The following MDGA2 variants were observed in gnomAD, a reference collection of about 807,000 sequenced individuals.
The protein encoded by MDGA2 is MAM domain-containing glycosylphosphatidylinositol anchor protein 2.
A neutral mutation model predicts 117.8 loss-of-function variants in MDGA2; 40 were observed. The observed-to-expected ratio is 0.34, with a 90% CI of 0.26 to 0.44. The LOEUF is 0.44. Ranked by LOEUF, MDGA2 falls within the 20% of genes least tolerant of loss-of-function variation. The pLI is 1.00. For synonymous variants in MDGA2, 452 were observed against 439.0 expected, an observed-to-expected ratio of 1.03 and a Z score of -0.37; for missense variants, 1,123 against 1,250.6, an observed-to-expected ratio of 0.90 and a Z score of 1.54.
chr14:47,563,131 T>A (rs752821505), intron 1 of MDGA2, among the ~76,000 whole-genome samples: 4 of 152,140 alleles, frequency 2.6e-5, no homozygotes, highest in Non-Finnish European at 4.4e-5. Context: ...TAAAAAAAAA[T>A]TTCTGAGGAT....
At chr14:47,362,041 A>G (rs1025024118) in intron 1 of MDGA2, among the ~76,000 whole-genome samples, 2 of 152,158 alleles carry the variant, frequency 1.3e-5, no homozygotes, top group African/African-American at 4.8e-5. Flanking sequence ...CCAATGAGAC[A>G]GCATACATCT....
intron 1 of MDGA2, among the ~76,000 whole-genome samples, chr14:47,516,132 G>C (rs1017498517): frequency 6.6e-6 from 1 of 152,130 alleles, no homozygotes; most frequent in African/African-American, 2.4e-5. Context: ...GACCTGACTT[G>C]CAGGTGATGC....
chr14:47,605,336 G>A (rs1896723287), intron 1 of MDGA2, among the ~76,000 whole-genome samples: 2 of 152,162 alleles, frequency 1.3e-5, no homozygotes, highest in South Asian at 2.1e-4. Flanking sequence ...GTTTGTATAT[G>A]TGTGCATATG....
At position 46,852,834 on chromosome 14, in the gene MDGA2, G is replaced by T. The variant is rs536402769; in HGVS notation, c.2883+2190C>A. 3.9e-5 allele frequency among the ~76,000 whole-genome samples: 6 copies of T among 151,954 alleles called. No individual in the cohort carries two copies. In the South Asian group the frequency reaches 1.2e-3, roughly 32 times the overall value. ...ACACCTAAAATAATCAAACTCTTCT[G>T]AAGTAACTCAACTATCTTCCCTGAA... On this transcript the variant is annotated intron_variant, in intron 15 of 16. Transcript: ENST00000399232.
intron 3 of MDGA2, among the ~76,000 whole-genome samples, chr14:47,168,218 A>G (rs901854255): frequency 9.9e-5 from 15 of 151,480 alleles, no homozygotes; most frequent in African/African-American, 3.6e-4. Flanking sequence ...AAAAGAGCCT[A>G]AAAGCAACCA....
At chr14:47,569,785 C>T (rs901122672) in intron 1 of MDGA2, among the ~76,000 whole-genome samples, 1 of 152,110 alleles carries the variant, frequency 6.6e-6, no homozygotes, top group Non-Finnish European at 1.5e-5. Flanking sequence ...ATTTCAGGTA[C>T]AGATTATTCA....
chr14:47,323,149 GATATATATATATATATATAT>G (rs58765297), intron 1 of MDGA2, among the ~76,000 whole-genome samples: 34 of 107,698 alleles, frequency 3.2e-4, no homozygotes, highest in South Asian at 1.3e-3. Context: ...AAGAGTCATG[GATATATATATATATATATAT>G]ATATATATAT....
intron 1 of MDGA2, among the ~76,000 whole-genome samples, chr14:47,619,149 A>C: frequency 6.8e-6 from 1 of 146,628 alleles, no homozygotes; most frequent in East Asian, 2.1e-4. Flanking sequence ...ACACACACAC[A>C]CAGATACATT....
intron 1 of MDGA2, among the ~76,000 whole-genome samples, chr14:47,480,713 A>AT (rs896493450): frequency 1.3e-5 from 2 of 151,980 alleles, no homozygotes; most frequent in African/African-American, 2.4e-5. Context: ...TGGTCCTTAA[A>AT]TACCTCTAGT....
chr14:47,308,487 CCTCT>C (rs1052181135), intron 1 of MDGA2, among the ~76,000 whole-genome samples: 1 of 145,374 alleles, frequency 6.9e-6, no homozygotes, highest in African/African-American at 2.5e-5. Flanking sequence ...TTCTTTTTTC[CCTCT>C]CTTTCTGTTA....
intron 8 of MDGA2, among the ~76,000 whole-genome samples, chr14:46,999,461 A>C (rs1052241952): frequency 7.2e-5 from 11 of 152,050 alleles, no homozygotes; most frequent in African/African-American, 2.4e-4. Context: ...TTCTAAATGA[A>C]GTGCAATATC....
chr14:47,460,213 CT>C (rs1354891472), intron 1 of MDGA2, among the ~76,000 whole-genome samples: 1 of 152,008 alleles, frequency 6.6e-6, no homozygotes, highest in African/African-American at 2.4e-5. Flanking sequence ...CATCTTGTTC[CT>C]GTTTTAGGCA....
intron 1 of MDGA2, among the ~76,000 whole-genome samples, chr14:47,571,763 C>CGGGGGGGGGGGGGGGG (rs1566521355): frequency 7.1e-6 from 1 of 140,886 alleles, no homozygotes. Context: ...GGGGGGCGGT[C>CGGGGGGGGGGGGGGGG]GGGGGATAGG....
intron 2 of MDGA2, among the ~76,000 whole-genome samples, chr14:47,293,492 AG>A (rs1888957422): frequency 6.6e-6 from 1 of 152,248 alleles, no homozygotes; most frequent in Admixed American, 6.5e-5. Context: ...TCAATGGGAC[AG>A]GCAAGAATAC....
intron 1 of MDGA2, among the ~76,000 whole-genome samples, chr14:47,350,375 A>G (rs1333095635): frequency 1.3e-5 from 2 of 152,216 alleles, no homozygotes; most frequent in Admixed American, 6.5e-5. Context: ...CAGTTAAGCT[A>G]CAGCATAGAC....
At chr14:47,639,204 T>C (rs996950413) in intron 1 of MDGA2, among the ~76,000 whole-genome samples, 1 of 152,226 alleles carries the variant, frequency 6.6e-6, no homozygotes, top group Non-Finnish European at 1.5e-5. Context: ...TAGATATAGA[T>C]ATAAATTTGT....
intron 1 of MDGA2, among the ~76,000 whole-genome samples, chr14:47,461,642 A>G (rs967477461): frequency 1.3e-5 from 2 of 152,152 alleles, no homozygotes; most frequent in Non-Finnish European, 2.9e-5. Flanking sequence ...ATTGTGGATT[A>G]CAGAGTGAAC....
intron 2 of MDGA2, among the ~76,000 whole-genome samples, chr14:47,254,104 T>C (rs1182090924): frequency 6.6e-6 from 1 of 152,044 alleles, no homozygotes; most frequent in South Asian, 2.1e-4. Flanking sequence ...CACACAACCA[T>C]TTTTCCCTCC....
chr14:47,177,415 T>C (rs1352002788), intron 3 of MDGA2, among the ~76,000 whole-genome samples: 1 of 152,074 alleles, frequency 6.6e-6, no homozygotes, highest in Admixed American at 6.6e-5. Context: ...TGTCCAACAA[T>C]GATAGACTGG....
Sources: allele counts gnomAD v4.1 joint callset (sites outside exome capture counted in the v4.1 genomes callset), GRCh38; gene constraint gnomAD v4.1.1; transcripts MANE v1.5; gene names NCBI Gene and HGNC (gene_info 2026-07-23, HGNC 2026-07-21).